The following CRIM1 variants were observed in gnomAD, a reference collection of about 807,000 sequenced individuals.
CRIM1 encodes the protein cysteine rich transmembrane BMP regulator 1.
CRIM1 carries 32 observed loss-of-function variants against 116.4 expected under a neutral mutation model. That is an observed-to-expected ratio of 0.27 (90% CI 0.21 to 0.37). The LOEUF (loss-of-function observed/expected upper bound fraction) is 0.37, where lower values mean the gene tolerates loss of function less well. Among genes scored for constraint, CRIM1 ranks in the 10% least tolerant of loss-of-function variants. The pLI is 1.00. For synonymous variants in CRIM1, 590 were observed against 509.2 expected (o/e 1.16, Z -2.13); for missense variants, 1,331 against 1,354.8 (o/e 0.98, Z 0.28).
intron 2 of CRIM1, among the ~76,000 whole-genome samples, chr2:36,428,830 C>G (rs1405250344): frequency 1.3e-5 from 2 of 152,196 alleles, no homozygotes; most frequent in African/African-American, 4.8e-5. Flanking sequence ...GCAGAAGTTT[C>G]TAATTGTCCC....
chr2:36,520,952 A>T (rs989702874), intron 12 of CRIM1, among the ~76,000 whole-genome samples: 7 of 152,216 alleles, frequency 4.6e-5, no homozygotes, highest in Non-Finnish European at 8.8e-5. Flanking sequence ...ATGCATTGAG[A>T]AAATGTGGCC....
chr2:36,401,742 T>A (rs114645082), intron 2 of CRIM1, among the ~76,000 whole-genome samples: 2,176 of 152,354 alleles, frequency 0.014, 23 homozygotes, highest in Middle Eastern at 0.041. Context: ...GTGGTCATAA[T>A]TCAAGAATTA....
chr2:36,390,959 G>A (rs1272593356), intron 1 of CRIM1, among the ~76,000 whole-genome samples: 3 of 151,610 alleles, frequency 2.0e-5, no homozygotes, highest in East Asian at 3.9e-4. Flanking sequence ...ACAGGCATGC[G>A]CCACCATACC....
At chr2:36,536,069 A>T (rs1241939422) in intron 13 of CRIM1, among the ~76,000 whole-genome samples, 7 of 152,212 alleles carry the variant, frequency 4.6e-5, no homozygotes, top group Admixed American at 4.6e-4. Context: ...ATCGGTGAGC[A>T]TTTCTGTCTG....
chr2:36,427,559 A>G (rs1040009265), intron 2 of CRIM1, among the ~76,000 whole-genome samples: 2 of 152,174 alleles, frequency 1.3e-5, no homozygotes, highest in Non-Finnish European at 2.9e-5. Flanking sequence ...GAAGCATTCT[A>G]CCATCTTTCA....
intron 1 of CRIM1, among the ~76,000 whole-genome samples, chr2:36,395,038 G>C (rs900121134): frequency 7.0e-6 from 1 of 143,236 alleles, no homozygotes; most frequent in Admixed American, 7.0e-5. Flanking sequence ...TTTTTGAGGC[G>C]GAGTTTCACT....
At chr2:36,526,396 C>T (rs1665760849) in intron 13 of CRIM1, among the ~76,000 whole-genome samples, 1 of 152,196 alleles carries the variant, frequency 6.6e-6, no homozygotes, top group African/African-American at 2.4e-5. Flanking sequence ...TCTGTTATGA[C>T]CTACTTAGCC....
At chr2:36,386,629 C>T (rs940947806) in intron 1 of CRIM1, among the ~76,000 whole-genome samples, 3 of 152,198 alleles carry the variant, frequency 2.0e-5, no homozygotes, top group Admixed American at 2.0e-4. Flanking sequence ...TTTTGCTAAG[C>T]TACTATTTGC....
intron 4 of CRIM1, among the ~76,000 whole-genome samples, chr2:36,454,555 T>C (rs187774753): frequency 3.8e-4 from 58 of 152,306 alleles, no homozygotes; most frequent in Admixed American, 3.5e-3. Flanking sequence ...ACAGCTTGAG[T>C]ATCAGCACAG....
At chr2:36,439,752 T>C (rs1675639445) in intron 2 of CRIM1, among the ~76,000 whole-genome samples, 1 of 152,216 alleles carries the variant, frequency 6.6e-6, no homozygotes, top group Non-Finnish European at 1.5e-5. Flanking sequence ...TTCTAAGCAT[T>C]CCAATTCCCT....
chr2:36,474,257 T>C (rs1678781750), intron 5 of CRIM1, among the ~76,000 whole-genome samples: 1 of 152,210 alleles, frequency 6.6e-6, no homozygotes, highest in Admixed American at 6.5e-5. Context: ...TGCAAATACT[T>C]TCTCCCAATC....
At chr2:36,527,140 TTTA>T (rs1665810052) in intron 13 of CRIM1, among the ~76,000 whole-genome samples, 1 of 151,062 alleles carries the variant, frequency 6.6e-6, no homozygotes, top group Admixed American at 6.6e-5. Context: ...ATTGTTTGTG[TTTA>T]TTATATATAA....
intron 5 of CRIM1, among the ~76,000 whole-genome samples, chr2:36,474,012 C>T (rs576884091): frequency 4.6e-5 from 7 of 152,134 alleles, no homozygotes; most frequent in South Asian, 2.1e-4. Flanking sequence ...CATCAGTGCT[C>T]GTTACTATTT....
intron 2 of CRIM1, among the ~76,000 whole-genome samples, chr2:36,407,242 T>C (rs1329501332): frequency 1.3e-5 from 2 of 152,218 alleles, no homozygotes; most frequent in Non-Finnish European, 2.9e-5. Flanking sequence ...CACACACATA[T>C]ACATATTCGT....
intron 1 of CRIM1, among the ~76,000 whole-genome samples, chr2:36,385,723 C>T (rs1399530360): frequency 6.6e-6 from 1 of 152,124 alleles, no homozygotes; most frequent in African/African-American, 2.4e-5. Flanking sequence ...GAAATTTTGC[C>T]CAGCCTTTGA....
At chr2:36,473,376 A>T (rs1678694542) in intron 5 of CRIM1, among the ~76,000 whole-genome samples, 1 of 152,128 alleles carries the variant, frequency 6.6e-6, no homozygotes, top group Admixed American at 6.5e-5. Context: ...TTTAGGAGAC[A>T]CCATGCAATT....
chr2:36,439,373 C>G (rs1675592504), intron 2 of CRIM1, among the ~76,000 whole-genome samples: 1 of 152,194 alleles, frequency 6.6e-6, no homozygotes, highest in African/African-American at 2.4e-5. Flanking sequence ...TTCCCAAAGT[C>G]CTATCTTTCT....
At chr2:36,508,592 G>A (rs1681591418) in intron 8 of CRIM1, among the ~76,000 whole-genome samples, 1 of 152,150 alleles carries the variant, frequency 6.6e-6, no homozygotes, top group Non-Finnish European at 1.5e-5. Flanking sequence ...AAACATTGCT[G>A]TACTTTGGCC....
chr2:36,504,192 C>T (rs530581837), intron 8 of CRIM1, among the ~76,000 whole-genome samples: 5 of 152,220 alleles, frequency 3.3e-5, no homozygotes, highest in Admixed American at 2.6e-4. Flanking sequence ...TTTCTTAAAA[C>T]AAGGCCAGCA....
Sources: gnomAD v4.1 joint callset for allele counts (sites outside exome capture counted in the v4.1 genomes callset) on GRCh38, gnomAD v4.1.1 for gene constraint, MANE v1.5 for transcripts, NCBI Gene and HGNC (gene_info 2026-07-23, HGNC 2026-07-21) for gene names.